Variants in CNTN5 observed in about 807,000 individuals in gnomAD.
CNTN5 encodes the protein contactin 5, also known as contactin-5.
A neutral mutation model predicts 129.1 loss-of-function variants in CNTN5; 77 were observed. The observed-to-expected ratio is 0.60, with a 90% confidence interval of 0.50 to 0.72. CNTN5 has a LOEUF of 0.72. Among genes scored for constraint, CNTN5 ranks in the 30% least tolerant of loss-of-function variants. CNTN5 has a pLI of 0.00. For synonymous variants in CNTN5, 509 were observed against 465.6 expected (o/e 1.09, Z -1.20); for missense variants, 1,478 against 1,328.8 (o/e 1.11, Z -1.75).
At chr11:99,776,656 T>C (rs1452582697) in intron 3 of CNTN5, among the ~76,000 whole-genome samples, 4 of 151,744 alleles carry the variant, frequency 2.6e-5, no homozygotes, top group Non-Finnish European at 5.9e-5. Context: ...TATTTTCAAC[T>C]TTCAATGGCC....
chr11:99,784,741 T>G (rs56352083), intron 3 of CNTN5, among the ~76,000 whole-genome samples: 1 of 151,062 alleles, frequency 6.6e-6, no homozygotes, highest in Non-Finnish European at 1.5e-5. Flanking sequence ...ATCTGTTGTT[T>G]CCTGACTTTT....
chr11:100,282,216 G>T (rs1461503997), intron 18 of CNTN5, among the ~76,000 whole-genome samples: 6 of 152,132 alleles, frequency 3.9e-5, no homozygotes, highest in Non-Finnish European at 8.8e-5. Context: ...GGCTGGGCTT[G>T]TTTGTAACCT....
chr11:100,212,425 C>G (rs530947365), intron 15 of CNTN5, among the ~76,000 whole-genome samples: 4 of 152,182 alleles, frequency 2.6e-5, no homozygotes, highest in Non-Finnish European at 5.9e-5. Context: ...TTCTGTGGGA[C>G]AGATTACCAG....
Position 99,789,676 on chromosome 11 carries a change from A to AT in CNTN5, c.56-29864dup, listed in dbSNP as rs375798088. On this transcript the variant is annotated intron_variant, in intron 3 of 24. Transcript: ENST00000524871. Reference sequence around the variant, plus strand: ...CTTTCACTGTTTGAAATACTACATCATTTTAAGTTTTTCTCTCTTAAATCT... The same window carrying AT: ...CTTTCACTGTTTGAAATACTACATCATTTTTAAGTTTTTCTCTCTTAAATCT... Among the ~76,000 whole-genome samples the AT allele has an allele frequency of 3.5e-3, 538 of 152,116 alleles. 3 individuals carry two copies. Among genetic ancestry groups the AT allele is most frequent in the African/African-American group, 0.012 (511 of 41,546 alleles).
chr11:100,126,254 G>T (rs1457744078), intron 13 of CNTN5, among the ~76,000 whole-genome samples: 2 of 152,168 alleles, frequency 1.3e-5, no homozygotes, highest in African/African-American at 4.8e-5. Context: ...CAGATGAAAA[G>T]AATTTATATT....
At chr11:100,199,098 G>T (rs941297682) in intron 15 of CNTN5, among the ~76,000 whole-genome samples, 1 of 151,790 alleles carries the variant, frequency 6.6e-6, no homozygotes, top group Non-Finnish European at 1.5e-5. Context: ...GTTTACTAAG[G>T]CACAAAGCTG....
chr11:99,315,723 GT>G (rs1865311191), intron 1 of CNTN5, among the ~76,000 whole-genome samples: 1 of 149,314 alleles, frequency 6.7e-6, no homozygotes, highest in Non-Finnish European at 1.5e-5. Context: ...AATAGACAAA[GT>G]TTTAGAATGT....
chr11:99,500,956 T>TG (rs1223704703), intron 2 of CNTN5, among the ~76,000 whole-genome samples: 1 of 152,192 alleles, frequency 6.6e-6, no homozygotes, highest in Non-Finnish European at 1.5e-5. Flanking sequence ...ATGCCTTTTG[T>TG]GAAAAAAAGA....
At chr11:99,117,260 C>T (rs1252567677) in intron 1 of CNTN5, among the ~76,000 whole-genome samples, 2 of 152,022 alleles carry the variant, frequency 1.3e-5, no homozygotes, top group Non-Finnish European at 2.9e-5. Context: ...CACAAATATG[C>T]AGTATGATGA....
intron 20 of CNTN5, among the ~76,000 whole-genome samples, chr11:100,302,761 C>T (rs867819496): frequency 6.6e-6 from 1 of 151,554 alleles, no homozygotes; most frequent in Non-Finnish European, 1.5e-5. Flanking sequence ...GACATTCATA[C>T]CCAGAACATG....
chr11:99,253,520 C>G (rs916673486), intron 1 of CNTN5, among the ~76,000 whole-genome samples: 4 of 151,884 alleles, frequency 2.6e-5, no homozygotes, highest in African/African-American at 9.7e-5. Flanking sequence ...GCTTGTACTT[C>G]TATGTGCATT....
chr11:99,073,373 G>GTTTTTTT (rs1491116506), intron 1 of CNTN5, among the ~76,000 whole-genome samples: 9 of 87,322 alleles, frequency 1.0e-4, no homozygotes, highest in Middle Eastern at 6.5e-3. Context: ...TTTATGGTTT[G>GTTTTTTT]GTTTTTTTTT....
intron 3 of CNTN5, among the ~76,000 whole-genome samples, chr11:99,658,031 A>C (rs1952445347): frequency 6.6e-6 from 1 of 152,022 alleles, no homozygotes; most frequent in African/African-American, 2.4e-5. Context: ...TTATTAATTT[A>C]AATATTTATG....
intron 6 of CNTN5, among the ~76,000 whole-genome samples, chr11:99,869,816 A>T (rs543745343): frequency 8.5e-5 from 13 of 152,328 alleles, no homozygotes; most frequent in African/African-American, 3.1e-4. Context: ...ATTCAGATCT[A>T]TGTGGCAAAG....
chr11:100,353,835 C>T (rs981970191), intron 24 of CNTN5, among the ~76,000 whole-genome samples: 1 of 151,176 alleles, frequency 6.6e-6, no homozygotes, highest in African/African-American at 2.4e-5. Context: ...TGTGTGTTTA[C>T]CAAACAAATT....
At chr11:100,244,246 A>G (rs554012678) in intron 16 of CNTN5, among the ~76,000 whole-genome samples, 1 of 152,230 alleles carries the variant, frequency 6.6e-6, no homozygotes, top group Non-Finnish European at 1.5e-5. Flanking sequence ...CTTTTGGAAT[A>G]TTTGTTTACT....
intron 2 of CNTN5, among the ~76,000 whole-genome samples, chr11:99,435,791 T>C (rs1402613866): frequency 1.3e-5 from 2 of 152,182 alleles, no homozygotes; most frequent in Non-Finnish European, 2.9e-5. Flanking sequence ...ATCGTATACA[T>C]AGACAAGCTT....
In CNTN5 at chr11:100,255,743, T is replaced by C. The variant is rs370821262; in HGVS notation, c.2006-17T>C. ...AATAATTTGTGCTTAACTTTATCCA[T>C]TGCCTTTGACCTATAGGACCCCCAG... is the stretch of plus-strand genomic sequence containing the variant. On this transcript the variant is annotated splice_polypyrimidine_tract_variant and intron_variant, in intron 16 of 24. Transcript: ENST00000524871. The C allele has an allele frequency of 3.7e-6, 6 of 1,609,426 alleles. No homozygotes were observed. In the African/African-American group the frequency reaches 6.7e-5, roughly 18 times the overall value.
chr11:99,378,916 C>T (rs538456822), intron 2 of CNTN5, among the ~76,000 whole-genome samples: 258 of 151,980 alleles, frequency 1.7e-3, no homozygotes, highest in African/African-American at 6.0e-3. Context: ...GGAATAAATA[C>T]ATTAATGAAA....
Sources: gnomAD v4.1 joint callset for allele counts (sites outside exome capture counted in the v4.1 genomes callset) on GRCh38, gnomAD v4.1.1 for gene constraint, MANE v1.5 for transcripts, NCBI Gene and HGNC (gene_info 2026-07-23, HGNC 2026-07-21) for gene names.